FAXC: variants seen among roughly 807,000 people sequenced by gnomAD.
FAXC encodes the protein failed axon connections homolog, metaxin like GST domain containing, also known as failed axon connections homolog.
In FAXC, 10 loss-of-function variants were observed where a neutral mutation model predicts 41.9. The ratio of observed to expected loss-of-function variants is 0.24; its 90% confidence interval spans 0.15 to 0.41. FAXC has a LOEUF of 0.41. FAXC is among the 10% of genes least tolerant of loss of function. The pLI is 1.00. For missense variants in FAXC, 399 were observed against 510.9 expected (o/e 0.78, Z 2.11); for synonymous variants, 183 against 183.8 (o/e 1.00, Z 0.03).
At chr6:99,320,807 G>A (rs957935613) in intron 4 of FAXC, among the ~76,000 whole-genome samples, 1 of 151,832 alleles carries the variant, frequency 6.6e-6, no homozygotes, top group African/African-American at 2.4e-5. Flanking sequence ...TTTCTTTCTT[G>A]GGCCAACACA....
chr6:99,333,886 G>C (rs1193640916), intron 2 of FAXC, among the ~76,000 whole-genome samples: 6 of 152,148 alleles, frequency 3.9e-5, no homozygotes, highest in Non-Finnish European at 7.4e-5. Flanking sequence ...AGTCAGTCTA[G>C]TTTTAATGTA....
chr6:99,333,406 G>A lies in FAXC; in HGVS notation c.544C>T (p.His182Tyr). The A allele has an allele frequency of 6.2e-7, 1 of 1,614,092 alleles. No homozygotes were observed. Among genetic ancestry groups the A allele is most frequent in the Non-Finnish European group, 8.5e-7 (1 of 1,180,002 alleles). The change falls in exon 3 of 6, where the codon CAT becomes TAT. Residue 182 changes from histidine to tyrosine, a missense_variant. Transcript: ENST00000389677. The stretch of plus-strand genomic sequence containing the variant: ...ACCGCTCTGGAGATGGCTCTTTCAT[G>A]AGGGCCAAGGTTTTTGTTTAAATTC... ...GVNLNKNLGP[H>Y]ERAISRAVTK...
rs1417772892 is a variant in FAXC at position 99,349,447 on chromosome 6, G to A, written c.-75C>T. ...TGGGAAGGGGCCGGCGCGGCCCGGC[G>A]CGGGCTCAGAGGCGCGCGGAGGGCG... On this transcript the variant is annotated 5_prime_UTR_variant, in exon 1 of 6. Transcript: ENST00000389677. 5.3e-6 allele frequency: 6 copies of A among 1,135,400 alleles called. No homozygotes were observed. The African/African-American group carries it at 8.4e-5, about 16-fold the overall frequency. 70.3% of individuals were successfully genotyped at this position (1,135,400 alleles called of 1,614,324 possible).
rs1218553184 is a variant in FAXC, at chr6:99,271,656, T to C, written c.*9508A>G. The C allele has an allele frequency of 6.6e-6, 1 of 152,152 alleles. No individual in the cohort carries two copies. Among genetic ancestry groups the C allele is most frequent in the Non-Finnish European group, 1.5e-5 (1 of 68,034 alleles). 9.4% of individuals were successfully genotyped at this position (152,152 alleles called of 1,614,324 possible). A position where few individuals can be genotyped will look rare whatever the true frequency, so the allele number is the denominator to read the frequency against. ...AAACCCAGATCCAAAACACTTCTGG[T>C]CCCAAGCACTTCAGATAAGAGATAC... On this transcript the variant is annotated 3_prime_UTR_variant, in exon 6 of 6. Transcript: ENST00000389677.
intron 3 of FAXC, among the ~76,000 whole-genome samples, chr6:99,332,061 C>T (rs548157293): frequency 6.6e-6 from 1 of 152,314 alleles, no homozygotes; most frequent in East Asian, 1.9e-4. Flanking sequence ...CTCCCCAGCC[C>T]CCTCCTTGCT....
chr6:99,289,091 A>G (rs570120534), intron 5 of FAXC, among the ~76,000 whole-genome samples: 1 of 152,182 alleles, frequency 6.6e-6, no homozygotes, highest in Non-Finnish European at 1.5e-5. Flanking sequence ...TCTATGTGCT[A>G]TTCTACTGGT....
In FAXC at chr6:99,275,886, A is replaced by C. The variant is rs910036; in HGVS notation, c.*5278T>G. 130,261 of 152,084 alleles carry C rather than the reference A, an allele frequency of 0.86. 56,059 individuals are homozygous for C. Among genetic ancestry groups the C allele is most frequent in the East Asian group, 1 (5,155 of 5,164 alleles). 9.4% of individuals were successfully genotyped at this position (152,084 alleles called of 1,614,324 possible). A position where few individuals can be genotyped will look rare whatever the true frequency, so the allele number is the denominator to read the frequency against. On this transcript the variant is annotated 3_prime_UTR_variant, in exon 6 of 6. Coordinates refer to ENST00000389677, the MANE Select transcript of FAXC (RefSeq NM_032511.4). Reference sequence around the variant, plus strand: ...TAAGAGGCCCGTCCCTCCTCACCCAACAAGGGAATCCTTTTGAACTTCCCA... The same window carrying C: ...TAAGAGGCCCGTCCCTCCTCACCCACCAAGGGAATCCTTTTGAACTTCCCA...
chr6:99,293,708 G>GTC (rs1771346584), intron 4 of FAXC, among the ~76,000 whole-genome samples: 1 of 91,996 alleles, frequency 1.1e-5, no homozygotes, highest in Non-Finnish European at 2.5e-5. Flanking sequence ...GTGTGTGTGT[G>GTC]TGTGTCTGTG....
intron 4 of FAXC, among the ~76,000 whole-genome samples, chr6:99,311,802 T>C (rs1486172971): frequency 1.3e-5 from 2 of 152,148 alleles, no homozygotes; most frequent in Non-Finnish European, 2.9e-5. Flanking sequence ...TTACCCTGAG[T>C]TGAAAGCTAT....
At chr6:99,323,039 G>A (rs1444901996) in intron 4 of FAXC, among the ~76,000 whole-genome samples, 5 of 152,228 alleles carry the variant, frequency 3.3e-5, no homozygotes, top group African/African-American at 9.6e-5. Flanking sequence ...AACTCTTGAC[G>A]TCAATGGGCA....
At chr6:99,342,586 C>T (rs6905160) in intron 2 of FAXC, among the ~76,000 whole-genome samples, 9,294 of 152,214 alleles carry the variant, frequency 0.061, 953 homozygotes, top group African/African-American at 0.21. Context: ...TCAAGTGATC[C>T]GCCTGCCTTG....
At position 99,279,182 on chromosome 6, in the gene FAXC, GC is replaced by G. The variant is rs1770734460; in HGVS notation, c.*1981del. 2 of 152,146 alleles carry G rather than the reference GC, an allele frequency of 1.3e-5. No homozygotes were observed. Among genetic ancestry groups the G allele is most frequent in the African/African-American group, 4.8e-5 (2 of 41,426 alleles). 9.4% of individuals were successfully genotyped at this position (152,146 alleles called of 1,614,324 possible). The stretch of plus-strand genomic sequence containing the variant: ...AACAGTCCTCCCAAATGATGCTGCA[GC>G]CTCAAACAGGCTTATCCATTCATAT... On this transcript the variant is annotated 3_prime_UTR_variant, in exon 6 of 6. Coordinates refer to ENST00000389677, the MANE Select transcript of FAXC (RefSeq NM_032511.4).
chr6:99,295,657 C>T (rs1441235697), intron 4 of FAXC, among the ~76,000 whole-genome samples: 2 of 152,172 alleles, frequency 1.3e-5, no homozygotes, highest in Non-Finnish European at 2.9e-5. Context: ...ATAATAAATC[C>T]TAATGGTTCG....
At chr6:99,286,624 T>C (rs1314252987) in intron 5 of FAXC, among the ~76,000 whole-genome samples, 1 of 152,228 alleles carries the variant, frequency 6.6e-6, no homozygotes, top group African/African-American at 2.4e-5. Flanking sequence ...TTGATAGGAC[T>C]CTGGAGGACA....
intron 2 of FAXC, chr6:99,334,489 T>A: frequency 5.8e-6 from 2 of 342,494 alleles, no homozygotes; most frequent in South Asian, 2.3e-4. Flanking sequence ...CACAACCACA[T>A]ATGGATCTCT....
chr6:99,325,664 G>A (rs1459431426), intron 3 of FAXC, among the ~76,000 whole-genome samples: 1 of 152,136 alleles, frequency 6.6e-6, no homozygotes, highest in African/African-American at 2.4e-5. Context: ...TAATTAAGAT[G>A]ACAATTTTCA....
intron 5 of FAXC, among the ~76,000 whole-genome samples, chr6:99,288,820 C>T (rs183932864): frequency 7.1e-6 from 1 of 140,426 alleles, no homozygotes; most frequent in East Asian, 2.0e-4. Flanking sequence ...TCAGCCTGGT[C>T]TAACCTCCTG....
At chr6:99,328,871 G>A (rs1361434821) in intron 3 of FAXC, among the ~76,000 whole-genome samples, 1 of 152,164 alleles carries the variant, frequency 6.6e-6, no homozygotes, top group Non-Finnish European at 1.5e-5. Context: ...CATTCATTAA[G>A]TTTGCAGAAA....
rs1386938611 is a variant in FAXC, at chr6:99,279,146, G to A, written c.*2018C>T. 6.6e-6 allele frequency: 1 copy of A among 152,184 alleles called. No individual in the cohort carries two copies. The allele number at this position is 152,184 out of a possible 1,614,324, so 9.4% of individuals were successfully genotyped here. A position where few individuals can be genotyped will look rare whatever the true frequency, so the allele number is the denominator to read the frequency against. ...GGCCTTAAAACACACTTGCTAGAGA[G>A]AGGGGAGGCAAACAGTCCTCCCAAA... On this transcript the variant is annotated 3_prime_UTR_variant, in exon 6 of 6. Coordinates refer to ENST00000389677, the MANE Select transcript of FAXC (RefSeq NM_032511.4).
Sources: allele counts gnomAD v4.1 joint callset (sites outside exome capture counted in the v4.1 genomes callset), GRCh38; gene constraint gnomAD v4.1.1; transcripts MANE v1.5; gene names NCBI Gene and HGNC (gene_info 2026-07-23, HGNC 2026-07-21).